PJA2: variants seen among roughly 807,000 people sequenced by gnomAD.
PJA2 encodes the protein praja ring finger ubiquitin ligase 2, also known as E3 ubiquitin-protein ligase Praja-2.
Under a neutral mutation model 69.3 loss-of-function variants are expected in PJA2, and 25 were observed. That is an observed-to-expected ratio of 0.36 (90% CI 0.26 to 0.50). PJA2 has a LOEUF of 0.50. Ranked by LOEUF, PJA2 falls within the 20% of genes least tolerant of loss-of-function variation. The pLI, the probability that PJA2 is intolerant of heterozygous loss-of-function variation, is 0.96. For missense variants in PJA2, 809 were observed against 830.2 expected, an observed-to-expected ratio of 0.97 and a Z score of 0.31; for synonymous variants, 308 against 277.8, an observed-to-expected ratio of 1.11 and a Z score of -1.08.
intron 5 of PJA2, among the ~76,000 whole-genome samples, chr5:109,366,595 T>C (rs75371010): frequency 0.03 from 4,642 of 152,328 alleles, 96 homozygotes; most frequent in Middle Eastern, 0.048. Flanking sequence ...ACAGTAATCA[T>C]CACATGTGTA....
chr5:109,343,988 T>C (rs538793537), intron 9 of PJA2, among the ~76,000 whole-genome samples: 4 of 151,466 alleles, frequency 2.6e-5, no homozygotes, highest in East Asian at 3.9e-4. Flanking sequence ...TCCCAGCTAC[T>C]TGGGAGGCTG....
Position 109,334,813 on chromosome 5 carries a change from T to A in PJA2, c.*2418A>T, listed in dbSNP as rs1390610577. 6.6e-6 allele frequency: 1 copy of A among 152,614 alleles called. No individual in the cohort carries two copies. Among genetic ancestry groups the A allele is most frequent in the Non-Finnish European group, 1.5e-5 (1 of 68,032 alleles). The allele number at this position is 152,614 out of a possible 1,614,324, so 9.5% of individuals were successfully genotyped here. ...ATAAACCAACCATTACATTTAGACC[T>A]GGGCTTTTGAAAAACTTGCATTCCA... is the stretch of plus-strand genomic sequence containing the variant. On this transcript the variant is annotated 3_prime_UTR_variant, in exon 10 of 10. Transcript: ENST00000361189.
intron 5 of PJA2, among the ~76,000 whole-genome samples, chr5:109,367,080 C>T (rs974744834): frequency 3.4e-5 from 5 of 148,262 alleles, no homozygotes; most frequent in Admixed American, 1.4e-4. Flanking sequence ...TTCAGTGAGC[C>T]GAGATCGTAC....
chr5:109,342,900 G>C, intron 9 of PJA2, among the ~76,000 whole-genome samples: 2 of 60,972 alleles, frequency 3.3e-5, no homozygotes, highest in Non-Finnish European at 3.2e-5. Context: ...CAGCCCCCCT[G>C]CCCGGCCAGC....
In PJA2 at chr5:109,337,204, C is replaced by G; in HGVS notation, c.*27G>C. On this transcript the variant is annotated 3_prime_UTR_variant, in exon 10 of 10. Coordinates refer to ENST00000361189, the MANE Select transcript of PJA2 (RefSeq NM_014819.5). ...AGGAATTTGCAGATTTACTTTGATA[C>G]ACTGATCTCATTTCAACTGTCAAGG... is the stretch of plus-strand genomic sequence containing the variant. The G allele has an allele frequency of 1.2e-6, 2 of 1,608,894 alleles. No individual in the cohort carries two copies. The highest frequency in any genetic ancestry group is 1.8e-4 in the Middle Eastern group (1 of 5,456).
intron 1 of PJA2, among the ~76,000 whole-genome samples, chr5:109,394,507 C>G (rs565795921): frequency 6.6e-6 from 1 of 152,302 alleles, no homozygotes; most frequent in African/African-American, 2.4e-5. Context: ...CATTTTGGGT[C>G]TGTGAGTGAT....
chr5:109,359,514 G>T (rs943578315), intron 6 of PJA2, among the ~76,000 whole-genome samples: 1 of 152,150 alleles, frequency 6.6e-6, no homozygotes, highest in Non-Finnish European at 1.5e-5. Flanking sequence ...TTTCTGATAT[G>T]TACTGCAAAG....
intron 2 of PJA2, among the ~76,000 whole-genome samples, 175 bp downstream of exon 2, chr5:109,383,228 C>G (rs1420800997): frequency 6.6e-6 from 1 of 152,148 alleles, no homozygotes; most frequent in Non-Finnish European, 1.5e-5. Context: ...ACCAGAATTT[C>G]TATTTTTACC....
chr5:109,401,514 T>C (rs997670357), intron 1 of PJA2, among the ~76,000 whole-genome samples: 41 of 152,248 alleles, frequency 2.7e-4, no homozygotes, highest in African/African-American at 8.7e-4. Flanking sequence ...ACATATTTGA[T>C]ACTGACAGCA....
At chr5:109,356,433 A>T (rs760389831) in intron 6 of PJA2, among the ~76,000 whole-genome samples, 8 of 152,182 alleles carry the variant, frequency 5.3e-5, no homozygotes, top group Non-Finnish European at 1.0e-4. Context: ...TCAGATTTTG[A>T]ACCATTTTAG....
At chr5:109,360,804 A>G (rs945842731) in intron 6 of PJA2, among the ~76,000 whole-genome samples, 7 of 152,206 alleles carry the variant, frequency 4.6e-5, no homozygotes, top group Admixed American at 2.6e-4. Flanking sequence ...ATTAGAACCT[A>G]AAGTAACAGT....
At chr5:109,391,710 GA>G (rs924073506) in intron 1 of PJA2, among the ~76,000 whole-genome samples, 248 of 151,244 alleles carry the variant, frequency 1.6e-3, no homozygotes, top group Middle Eastern at 3.4e-3. Context: ...GATTATATAT[GA>G]AAAAAAAGGA....
chr5:109,359,657 A>G (rs1044409793), intron 6 of PJA2, among the ~76,000 whole-genome samples: 12 of 152,234 alleles, frequency 7.9e-5, no homozygotes, highest in African/African-American at 2.9e-4. Flanking sequence ...AGGGTTATGA[A>G]AAACAAAGAC....
rs115855186 is a variant in PJA2, at chr5:109,362,779, A to G, written c.1652+61T>C. 917 of 1,425,552 alleles carry G rather than the reference A, an allele frequency of 6.4e-4. 12 individuals carry two copies. In the African/African-American group the frequency reaches 9.5e-3, roughly 15 times the overall value. The allele number at this position is 1,425,552 out of a possible 1,614,324, so 88.3% of individuals were successfully genotyped here. ...CTCAGCTAGCAGAGATTTAATTTTCATAAATTAGAATCATGAACTCAGAGC... is the reference window on the plus strand; with the variant it reads ...CTCAGCTAGCAGAGATTTAATTTTCGTAAATTAGAATCATGAACTCAGAGC... On this transcript the variant is annotated intron_variant, in intron 6 of 9. Coordinates refer to ENST00000361189, the MANE Select transcript of PJA2 (RefSeq NM_014819.5).
intron 7 of PJA2, among the ~76,000 whole-genome samples, chr5:109,352,006 C>G (rs981313329): frequency 6.6e-6 from 1 of 151,770 alleles, no homozygotes; most frequent in Admixed American, 6.6e-5. Context: ...TGAAACATCT[C>G]AATCAAATTC....
chr5:109,359,254 T>C (rs1169219779), intron 6 of PJA2, among the ~76,000 whole-genome samples: 1 of 152,216 alleles, frequency 6.6e-6, no homozygotes, highest in Non-Finnish European at 1.5e-5. Flanking sequence ...ATACAAAATA[T>C]GTGGCAATCA....
At position 109,336,085 on chromosome 5, in the gene PJA2, T is replaced by C. The variant is rs988075217; in HGVS notation, c.*1146A>G. On this transcript the variant is annotated 3_prime_UTR_variant, in exon 10 of 10. Transcript: ENST00000361189. ...ATGTAACTCTGCATTTGGGAAGCCATATAAATATTCCTTTTATGTGCCCAA... is the reference window on the plus strand; with the variant it reads ...ATGTAACTCTGCATTTGGGAAGCCACATAAATATTCCTTTTATGTGCCCAA... 1 of 152,608 alleles carries C rather than the reference T, an allele frequency of 6.6e-6. No individual in the cohort carries two copies. The highest frequency in any genetic ancestry group is 2.1e-4 in the South Asian group (1 of 4,832). 9.5% of individuals were successfully genotyped at this position (152,608 alleles called of 1,614,324 possible).
chr5:109,383,591 C>A, intron 1 of PJA2, 71 bp from the exon 2 acceptor site: 2 of 557,224 alleles, frequency 3.6e-6, no homozygotes, highest in East Asian at 2.9e-5. Context: ...TACTTCTGCT[C>A]CTCCTAGTGA....
chr5:109,340,390 G>C (rs1308687646), intron 9 of PJA2, among the ~76,000 whole-genome samples: 1 of 151,706 alleles, frequency 6.6e-6, no homozygotes. Context: ...GAAAAGGAAA[G>C]ACGGAAGGAA....
Sources: allele counts gnomAD v4.1 joint callset (sites outside exome capture counted in the v4.1 genomes callset), GRCh38; gene constraint gnomAD v4.1.1; transcripts MANE v1.5; gene names NCBI Gene and HGNC (gene_info 2026-07-23, HGNC 2026-07-21).